The following SIPA1L1 variants were observed in gnomAD, a reference collection of about 807,000 sequenced individuals.
The protein encoded by SIPA1L1 is signal-induced proliferation-associated 1-like protein 1.
SIPA1L1 carries 26 observed loss-of-function variants against 162.7 expected under a neutral mutation model. The ratio of observed to expected loss-of-function variants is 0.16; its 90% CI spans 0.12 to 0.22. The LOEUF is 0.22. SIPA1L1 is among the 10% of genes least tolerant of loss of function. The pLI, the probability that SIPA1L1 is intolerant of heterozygous loss-of-function variation, is 1.00. For synonymous variants in SIPA1L1, 829 were observed against 837.4 expected (o/e 0.99, Z 0.17); for missense variants, 1,874 against 2,241.0 (o/e 0.84, Z 3.31).
chr14:71,382,741 G>A (rs1350793263), intron 2 of SIPA1L1, among the ~76,000 whole-genome samples: 1 of 152,138 alleles, frequency 6.6e-6, no homozygotes, highest in Non-Finnish European at 1.5e-5. Flanking sequence ...AAAGGAGAGA[G>A]TATTTTTATT....
intron 17 of SIPA1L1, among the ~76,000 whole-genome samples, chr14:71,710,508 C>T (rs766160780): frequency 9.9e-5 from 15 of 152,020 alleles, no homozygotes; most frequent in Admixed American, 2.6e-4. Flanking sequence ...TGATTATGAC[C>T]GCAAGAAAAA....
At chr14:71,539,330 A>G (rs1672591152) in intron 4 of SIPA1L1, among the ~76,000 whole-genome samples, 1 of 152,180 alleles carries the variant, frequency 6.6e-6, no homozygotes. Context: ...TTCTCTATTC[A>G]CTACATGATC....
chr14:71,554,286 A>T (rs918255784), intron 4 of SIPA1L1, among the ~76,000 whole-genome samples: 1 of 152,180 alleles, frequency 6.6e-6, no homozygotes, highest in Non-Finnish European at 1.5e-5. Flanking sequence ...CTTTTTAAAC[A>T]GTATTACTGC....
chr14:71,481,299 C>T (rs569991773), intron 2 of SIPA1L1, among the ~76,000 whole-genome samples: 49 of 152,088 alleles, frequency 3.2e-4, no homozygotes, highest in African/African-American at 1.2e-3. Context: ...GGCAACATGG[C>T]AAAACCCTAC....
At chr14:71,489,289 T>C (rs920771217) in intron 2 of SIPA1L1, among the ~76,000 whole-genome samples, 3 of 152,204 alleles carry the variant, frequency 2.0e-5, no homozygotes, top group African/African-American at 4.8e-5. Flanking sequence ...CAGTATGCCT[T>C]TGAAGCTAGA....
In SIPA1L1 at chr14:71,377,421, T is replaced by A. The variant is rs1595102910; in HGVS notation, c.-465+56240T>A. ...GGCACTCCTCACCTCCCAGACAGGGTGGCAGCCGGGTAGAGATGCTCCTCA... is the reference window on the plus strand; with the variant it reads ...GGCACTCCTCACCTCCCAGACAGGGAGGCAGCCGGGTAGAGATGCTCCTCA... On this transcript the variant is annotated intron_variant, in intron 2 of 23. Coordinates refer to ENST00000381232, the MANE Select transcript of SIPA1L1 (RefSeq NM_001386936.1). The surrounding 1 kb of genome is among the most constrained non-coding windows in gnomAD (Gnocchi z 4.8). Among the ~76,000 whole-genome samples, 1 of 145,602 alleles carries A rather than the reference T, an allele frequency of 6.9e-6. No individual in the cohort carries two copies. Among genetic ancestry groups the A allele is most frequent in the Non-Finnish European group, 1.5e-5 (1 of 66,804 alleles).
intron 4 of SIPA1L1, among the ~76,000 whole-genome samples, chr14:71,558,037 T>G (rs919414732): frequency 6.6e-6 from 1 of 152,208 alleles, no homozygotes; most frequent in Non-Finnish European, 1.5e-5. Flanking sequence ...TTGTTGGCAT[T>G]CCAGGTGACA....
At chr14:71,576,046 G>A (rs551369620) in intron 4 of SIPA1L1, among the ~76,000 whole-genome samples, 6 of 152,296 alleles carry the variant, frequency 3.9e-5, no homozygotes, top group Non-Finnish European at 5.9e-5. Context: ...CTGAAAGCAC[G>A]TAACTTTTAT....
chr14:71,563,108 C>T (rs147618139), intron 4 of SIPA1L1, among the ~76,000 whole-genome samples: 211 of 152,216 alleles, frequency 1.4e-3, no homozygotes, highest in Non-Finnish European at 2.5e-3. Context: ...TAATACCTGG[C>T]GTAGAGTAGA....
intron 4 of SIPA1L1, among the ~76,000 whole-genome samples, chr14:71,545,402 A>G (rs1256213302): frequency 1.3e-5 from 2 of 152,154 alleles, no homozygotes; most frequent in East Asian, 1.9e-4. Context: ...TGTTTTGTAC[A>G]TCTTTCATTA....
At chr14:71,412,651 C>G (rs147059574) in intron 2 of SIPA1L1, among the ~76,000 whole-genome samples, 43 of 152,128 alleles carry the variant, frequency 2.8e-4, no homozygotes, top group Middle Eastern at 3.4e-3. Context: ...AGGAACTTCC[C>G]CTTTTGTCTT....
chr14:71,729,943 T>TG, intron 19 of SIPA1L1, 112 bp from the exon 20 acceptor site: 4 of 1,173,846 alleles, frequency 3.4e-6, no homozygotes, highest in Non-Finnish European at 4.9e-6. Flanking sequence ...GAAGCTTCCT[T>TG]GCTAGGGGTG....
chr14:71,431,047 C>T (rs144095688), intron 2 of SIPA1L1, among the ~76,000 whole-genome samples: 2 of 152,028 alleles, frequency 1.3e-5, no homozygotes, highest in Admixed American at 1.3e-4. Flanking sequence ...TTGTTAGCAG[C>T]GCAGTGTTAT....
intron 2 of SIPA1L1, among the ~76,000 whole-genome samples, chr14:71,346,392 G>A (rs998725601): frequency 1.3e-5 from 2 of 152,188 alleles, no homozygotes; most frequent in African/African-American, 4.8e-5. Context: ...AGAACTTTGG[G>A]TGAAACTGGC....
chr14:71,573,085 G>T (rs1337019516), intron 4 of SIPA1L1, among the ~76,000 whole-genome samples: 1 of 152,210 alleles, frequency 6.6e-6, no homozygotes, highest in Non-Finnish European at 1.5e-5. Flanking sequence ...GGGAAACAGT[G>T]CTATGTATTG....
At chr14:71,427,014 A>G (rs977341086) in intron 2 of SIPA1L1, among the ~76,000 whole-genome samples, 1 of 152,226 alleles carries the variant, frequency 6.6e-6, no homozygotes, top group Admixed American at 6.5e-5. Context: ...CTAAATTTTT[A>G]GAGAAAGTTT....
chr14:71,363,066 TA>T lies in SIPA1L1; in HGVS notation c.-465+41889del, dbSNP rs1283567849. The stretch of plus-strand genomic sequence containing the variant: ...AGTCTCACTCATTTAAAATGGCTTG[TA>T]AAACTGTATTTACCTTTTTTGGGAA... On this transcript the variant is annotated intron_variant, in intron 2 of 23. Transcript: ENST00000381232. 2.0e-5 allele frequency among the ~76,000 whole-genome samples: 3 copies of T among 152,368 alleles called. No homozygotes were observed. In the East Asian group the frequency reaches 5.8e-4, roughly 29 times the overall value.
At chr14:71,482,285 C>T (rs2142740444) in intron 2 of SIPA1L1, among the ~76,000 whole-genome samples, 1 of 152,204 alleles carries the variant, frequency 6.6e-6, no homozygotes, top group Non-Finnish European at 1.5e-5. Context: ...CTATAAGATC[C>T]CCTAGTTAAG....
intron 8 of SIPA1L1, among the ~76,000 whole-genome samples, chr14:71,653,450 T>G (rs1013154668): frequency 1.3e-5 from 2 of 152,182 alleles, no homozygotes; most frequent in African/African-American, 4.8e-5. Flanking sequence ...CTGATATTTC[T>G]TTCTCTTTGG....
Sources: gnomAD v4.1 joint callset for allele counts (sites outside exome capture counted in the v4.1 genomes callset) on GRCh38, gnomAD v4.1.1 for gene constraint, Gnocchi (gnomAD v3.1) non-coding constraint, MANE v1.5 for transcripts, NCBI Gene and HGNC (gene_info 2026-07-23, HGNC 2026-07-21) for gene names.